Variants in HS6ST3 observed in about 807,000 individuals in gnomAD.
The protein encoded by HS6ST3 is heparan-sulfate 6-O-sulfotransferase 3.
HS6ST3 carries 12 observed loss-of-function variants against 36.7 expected under a neutral mutation model. That is an observed-to-expected ratio of 0.33 (90% CI 0.21 to 0.53). The LOEUF is 0.53. HS6ST3 is among the 20% of genes least tolerant of loss of function. The probability of loss-of-function intolerance (pLI) is 0.95; values close to 1 mark genes in which losing one functional copy is unlikely to be tolerated. For missense variants in HS6ST3, 584 were observed against 640.9 expected (o/e 0.91, Z 0.96); for synonymous variants, 240 against 257.5 (o/e 0.93, Z 0.65).
Position 96,610,865 on chromosome 13 carries a change from C to A in HS6ST3, c.708-221625C>A, listed in dbSNP as rs960487841. 6.0e-3 allele frequency among the ~76,000 whole-genome samples: 866 copies of A among 144,188 alleles called. 6 individuals carry two copies. Among genetic ancestry groups the A allele is most frequent in the African/African-American group, 0.021 (813 of 38,176 alleles). 94.6% of individuals were successfully genotyped at this position (144,188 alleles called of 152,430 possible). On this transcript the variant is annotated intron_variant, in intron 1 of 1. Coordinates refer to ENST00000376705, the MANE Select transcript of HS6ST3 (RefSeq NM_153456.4). The stretch of plus-strand genomic sequence containing the variant: ...TGCTGAAAAAAATGAAAAAAAAAAA[C>A]AAAAAACAAAACAACCCCACAACTT...
rs374518620 is a variant in HS6ST3, at chr13:96,421,340, T to G, written c.707+329771T>G. 2.0e-5 allele frequency among the ~76,000 whole-genome samples: 3 copies of G among 152,278 alleles called. No homozygotes were observed. In the East Asian group the frequency reaches 5.8e-4, roughly 29 times the overall value. On this transcript the variant is annotated intron_variant, in intron 1 of 1. Coordinates refer to ENST00000376705, the MANE Select transcript of HS6ST3 (RefSeq NM_153456.4). The stretch of plus-strand genomic sequence containing the variant: ...ACTTCCTCTCTTCCTGTGGAGAAAT[T>G]TAGTTATTGTCAATGCCCCAAATCT...
At chr13:96,237,501 T>C (rs2054540037) in intron 1 of HS6ST3, among the ~76,000 whole-genome samples, 1 of 152,210 alleles carries the variant, frequency 6.6e-6, no homozygotes, top group African/African-American at 2.4e-5. Context: ...TTCTTCTCTT[T>C]GCATCATTCA....
At chr13:96,465,686 G>T (rs2139494882) in intron 1 of HS6ST3, among the ~76,000 whole-genome samples, 2 of 152,142 alleles carry the variant, frequency 1.3e-5, no homozygotes, top group South Asian at 4.1e-4. Flanking sequence ...ACAATTTTCT[G>T]CTTTTGAACC....
chr13:96,799,980 A>ATATATATGTGTG (rs1555325253), intron 1 of HS6ST3, among the ~76,000 whole-genome samples: 3 of 76,634 alleles, frequency 3.9e-5, no homozygotes, highest in Admixed American at 3.8e-4. Flanking sequence ...ATATATATAT[A>ATATATATGTGTG]TGTATATATA....
At chr13:96,275,529 T>G (rs1207292242) in intron 1 of HS6ST3, among the ~76,000 whole-genome samples, 1 of 152,224 alleles carries the variant, frequency 6.6e-6, no homozygotes, top group Non-Finnish European at 1.5e-5. Context: ...CCCATTTCTA[T>G]AGAAATTTCT....
At chr13:96,536,159 A>G (rs1038503194) in intron 1 of HS6ST3, among the ~76,000 whole-genome samples, 7 of 152,188 alleles carry the variant, frequency 4.6e-5, no homozygotes, top group African/African-American at 1.4e-4. Flanking sequence ...AGTACTGTCT[A>G]CCTTCTTAGC....
At chr13:96,351,789 AATT>A (rs748587456) in intron 1 of HS6ST3, among the ~76,000 whole-genome samples, 1 of 152,238 alleles carries the variant, frequency 6.6e-6, no homozygotes, top group Non-Finnish European at 1.5e-5. Flanking sequence ...TAGAAGGTGA[AATT>A]ATTATTTGCA....
rs758854731 is a variant in HS6ST3 at position 96,090,812 on chromosome 13, C to T, written c.-51C>T. On this transcript the variant is annotated 5_prime_UTR_variant, in exon 1 of 2. Coordinates refer to ENST00000376705, the MANE Select transcript of HS6ST3 (RefSeq NM_153456.4). The stretch of plus-strand genomic sequence containing the variant: ...AAACTTCCGAGCGGGCGCCCGTCCG[C>T]CCTGCCGCCGCCGCCGCCGCCGCTT... 1 of 1,435,544 alleles carries T rather than the reference C, an allele frequency of 7.0e-7. No homozygotes were observed. Among genetic ancestry groups the T allele is most frequent in the East Asian group, 3.0e-5 (1 of 33,662 alleles). The allele number at this position is 1,435,544 out of a possible 1,614,324, so 88.9% of individuals were successfully genotyped here.
At chr13:96,676,447 C>T (rs2056699146) in intron 1 of HS6ST3, among the ~76,000 whole-genome samples, 1 of 152,042 alleles carries the variant, frequency 6.6e-6, no homozygotes. Context: ...ATTGACATAC[C>T]CAGTACAACG....
rs1321584593 is a variant in HS6ST3 at position 96,112,582 on chromosome 13, T to TACATATATATATATATATATATATATAC, written c.707+21014_707+21015insCATATATATATATATATATATATATACA. 9.6e-5 allele frequency among the ~76,000 whole-genome samples: 4 copies of TACATATATATATATATATATATATATAC among 41,750 alleles called. 1 individual carries two copies. The highest frequency in any genetic ancestry group is 3.3e-4 in the African/African-American group (4 of 12,196). The allele number at this position is 41,750 out of a possible 152,430, so 27.4% of individuals were successfully genotyped here. A position where few individuals can be genotyped will look rare whatever the true frequency, so the allele number is the denominator to read the frequency against. ...ACCCCATCTCTAAAATAAATAAATA[T>TACATATATATATATATATATATATATAC]ATATATATATATATATATATATATA... On this transcript the variant is annotated intron_variant, in intron 1 of 1. Transcript: ENST00000376705.
intron 1 of HS6ST3, among the ~76,000 whole-genome samples, chr13:96,691,738 A>G (rs992941293): frequency 1.3e-5 from 2 of 152,102 alleles, no homozygotes; most frequent in African/African-American, 4.8e-5. Flanking sequence ...AAAGATAAAT[A>G]GCAAATTTGG....
chr13:96,695,479 G>A (rs1352849879), intron 1 of HS6ST3, among the ~76,000 whole-genome samples: 1 of 152,104 alleles, frequency 6.6e-6, no homozygotes, highest in Non-Finnish European at 1.5e-5. Context: ...CCAGACTGGA[G>A]TGCAGTGGCA....
chr13:96,688,418 G>A lies in HS6ST3; in HGVS notation c.708-144072G>A, dbSNP rs529896218. 2.6e-5 allele frequency among the ~76,000 whole-genome samples: 4 copies of A among 151,922 alleles called. No individual in the cohort carries two copies. In the South Asian group the frequency reaches 8.3e-4, roughly 32 times the overall value. On this transcript the variant is annotated intron_variant, in intron 1 of 1. Coordinates refer to ENST00000376705, the MANE Select transcript of HS6ST3 (RefSeq NM_153456.4). ...GTGGCTTCGTCAAGCTGAGCTGGTGGCGTGAACAGGCAGGATTGGTTTAGT... is the reference window on the plus strand; with the variant it reads ...GTGGCTTCGTCAAGCTGAGCTGGTGACGTGAACAGGCAGGATTGGTTTAGT...
chr13:96,554,005 C>T (rs1057260626), intron 1 of HS6ST3, among the ~76,000 whole-genome samples: 12 of 152,072 alleles, frequency 7.9e-5, no homozygotes, highest in Non-Finnish European at 1.6e-4. Context: ...TGTGTGTGCG[C>T]GTGCATGTGC....
At position 96,444,582 on chromosome 13, in the gene HS6ST3, G is replaced by A. The variant is rs1056840682; in HGVS notation, c.707+353013G>A. The stretch of plus-strand genomic sequence containing the variant: ...TCTTAAAATTTTTATTTTTGTATTG[G>A]AACACCAATGGGATTGTGCATAAAC... On this transcript the variant is annotated intron_variant, in intron 1 of 1. Transcript: ENST00000376705. Among the ~76,000 whole-genome samples, 61 of 151,986 alleles carry A rather than the reference G, an allele frequency of 4.0e-4. 1 individual carries two copies. The highest frequency in any genetic ancestry group is 5.9e-5 in the Non-Finnish European group (4 of 67,986).
At chr13:96,161,435 A>C (rs940060850) in intron 1 of HS6ST3, among the ~76,000 whole-genome samples, 1 of 152,178 alleles carries the variant, frequency 6.6e-6, no homozygotes, top group Admixed American at 6.6e-5. Context: ...GGATGGCTAG[A>C]GGGCAGAGTT....
intron 1 of HS6ST3, among the ~76,000 whole-genome samples, chr13:96,786,508 AT>A (rs1877656488): frequency 6.6e-6 from 1 of 152,146 alleles, no homozygotes; most frequent in African/African-American, 2.4e-5. Flanking sequence ...TAACTAATAA[AT>A]GGATATGTTT....
At chr13:96,110,196 G>A (rs2053861284) in intron 1 of HS6ST3, among the ~76,000 whole-genome samples, 1 of 152,076 alleles carries the variant, frequency 6.6e-6, no homozygotes, top group African/African-American at 2.4e-5. Context: ...AATTATGGAA[G>A]AAGGCAAAGG....
chr13:96,139,750 T>A lies in HS6ST3; in HGVS notation c.707+48181T>A, dbSNP rs199893188. Among the ~76,000 whole-genome samples, 67 of 152,158 alleles carry A rather than the reference T, an allele frequency of 4.4e-4. 1 individual carries two copies. In the East Asian group the frequency reaches 0.011, roughly 24 times the overall value. ...AGTTTATATATTTATTTTTACTTAC[T>A]TCAACAAAATAGTAATTGCCTACCT... On this transcript the variant is annotated intron_variant, in intron 1 of 1. Coordinates refer to ENST00000376705, the MANE Select transcript of HS6ST3 (RefSeq NM_153456.4).
Sources: allele counts gnomAD v4.1 joint callset (sites outside exome capture counted in the v4.1 genomes callset), GRCh38; gene constraint gnomAD v4.1.1; transcripts MANE v1.5; gene names NCBI Gene and HGNC (gene_info 2026-07-23, HGNC 2026-07-21).